ELMO1: variants seen among roughly 807,000 people sequenced by gnomAD.
The protein encoded by ELMO1 is engulfment and cell motility protein 1.
In ELMO1, 26 loss-of-function variants were observed where a neutral mutation model predicts 98.9. The ratio of observed to expected loss-of-function variants is 0.26; its 90% CI spans 0.19 to 0.36. The LOEUF is 0.36. Among genes scored for constraint, ELMO1 ranks in the 10% least tolerant of loss-of-function variants. The pLI is 1.00. For missense variants in ELMO1, 627 were observed against 935.2 expected, an observed-to-expected ratio of 0.67 and a Z score of 4.30; for synonymous variants, 346 against 346.0, an observed-to-expected ratio of 1.00 and a Z score of 0.00.
chr7:37,386,123 G>T (rs917879867), intron 1 of ELMO1, among the ~76,000 whole-genome samples: 1 of 152,216 alleles, frequency 6.6e-6, no homozygotes, highest in African/African-American at 2.4e-5. Flanking sequence ...TTCATGCCCA[G>T]CCCTGGAGCT....
chr7:37,154,100 GA>G (rs1788559450), intron 13 of ELMO1, among the ~76,000 whole-genome samples: 1 of 152,168 alleles, frequency 6.6e-6, no homozygotes, highest in South Asian at 2.1e-4. Flanking sequence ...CTAACAAACA[GA>G]AAGGAATAGC....
chr7:36,980,880 A>G (rs527949450), intron 16 of ELMO1, among the ~76,000 whole-genome samples: 1 of 152,198 alleles, frequency 6.6e-6, no homozygotes, highest in Non-Finnish European at 1.5e-5. Context: ...GGTTTAATCT[A>G]TTTGTTCCAC....
intron 1 of ELMO1, among the ~76,000 whole-genome samples, chr7:37,355,094 C>T (rs968514945): frequency 6.6e-6 from 1 of 152,182 alleles, no homozygotes; most frequent in African/African-American, 2.4e-5. Flanking sequence ...CTCTTTCTCC[C>T]GGCCTGACGT....
chr7:37,158,368 G>A (rs1788945788), intron 13 of ELMO1, among the ~76,000 whole-genome samples: 1 of 152,118 alleles, frequency 6.6e-6, no homozygotes, highest in African/African-American at 2.4e-5. Flanking sequence ...GAGTGAACAG[G>A]CAATCTACAG....
At chr7:37,233,461 G>A (rs1175674687) in intron 7 of ELMO1, among the ~76,000 whole-genome samples, 1 of 152,154 alleles carries the variant, frequency 6.6e-6, no homozygotes, top group African/African-American at 2.4e-5. Flanking sequence ...GTTCTGGTGA[G>A]CTGTGTTGTT....
intron 16 of ELMO1, among the ~76,000 whole-genome samples, chr7:36,989,262 T>TAAC (rs760168483): frequency 1.3e-5 from 2 of 152,118 alleles, no homozygotes; most frequent in South Asian, 2.1e-4. Flanking sequence ...TTGACTGAAA[T>TAAC]AACAACAACA....
chr7:37,305,514 A>C (rs1015443994), intron 4 of ELMO1, among the ~76,000 whole-genome samples: 2 of 152,054 alleles, frequency 1.3e-5, no homozygotes. Flanking sequence ...GTTGTTGCAG[A>C]CTGAAAGCCA....
intron 13 of ELMO1, among the ~76,000 whole-genome samples, chr7:37,140,677 C>A (rs1020829260): frequency 7.5e-4 from 114 of 152,146 alleles, no homozygotes; most frequent in African/African-American, 2.6e-3. Context: ...AGAACTCAAA[C>A]AAATCAGTAA....
chr7:37,215,991 CCTTT>C (rs994824556), intron 11 of ELMO1, among the ~76,000 whole-genome samples: 2 of 136,598 alleles, frequency 1.5e-5, no homozygotes, highest in Admixed American at 6.9e-5. Flanking sequence ...TTCCTCTTTT[CCTTT>C]TTTTTTTTTT....
chr7:37,266,634 C>T lies in ELMO1; in HGVS notation c.243+5198G>A, dbSNP rs560733323. 2.6e-4 allele frequency among the ~76,000 whole-genome samples: 40 copies of T among 152,140 alleles called. 1 individual carries two copies. The highest frequency in any genetic ancestry group is 2.4e-3 in the Admixed American group (36 of 15,272). On this transcript the variant is annotated intron_variant, in intron 5 of 21. Coordinates refer to ENST00000310758, the MANE Select transcript of ELMO1 (RefSeq NM_014800.11). ...TTTTAGCATAGGGCATTATGATTCA[C>T]CTCTTTTGTACTATAATGGCTTTGT...
intron 19 of ELMO1, among the ~76,000 whole-genome samples, chr7:36,874,608 C>T (rs922790476): frequency 6.6e-6 from 1 of 152,174 alleles, no homozygotes; most frequent in South Asian, 2.1e-4. Flanking sequence ...CTCCCTGTGT[C>T]GCCGCTCTTC....
rs558892020 is a variant in ELMO1 at position 36,986,899 on chromosome 7, T to C, written c.1437+26400A>G. Among the ~76,000 whole-genome samples, 3 of 152,250 alleles carry C rather than the reference T, an allele frequency of 2.0e-5. No individual in the cohort carries two copies. The East Asian group carries it at 5.8e-4, about 29-fold the overall frequency. On this transcript the variant is annotated intron_variant, in intron 16 of 21. Transcript: ENST00000310758. ...AGGATGTAAACAAACATAAACAGCC[T>C]CTACCCCTAATTAAAATTACTGCAA...
At chr7:37,284,537 C>A (rs1444879283) in intron 4 of ELMO1, among the ~76,000 whole-genome samples, 1 of 152,096 alleles carries the variant, frequency 6.6e-6, no homozygotes, top group Non-Finnish European at 1.5e-5. Flanking sequence ...CATCTCCCAG[C>A]CTCAGAGTTA....
chr7:37,069,109 C>T (rs537522739), intron 15 of ELMO1, among the ~76,000 whole-genome samples: 39 of 152,200 alleles, frequency 2.6e-4, no homozygotes, highest in Non-Finnish European at 4.3e-4. Flanking sequence ...CCCTGGGAGC[C>T]TCCCAGTGGT....
At chr7:37,436,617 T>G (rs1805154422) in intron 1 of ELMO1, among the ~76,000 whole-genome samples, 2 of 152,268 alleles carry the variant, frequency 1.3e-5, no homozygotes, top group Non-Finnish European at 2.9e-5. Flanking sequence ...ACTAAGTGAC[T>G]GTTTAATGGG....
chr7:37,315,039 A>G lies in ELMO1; in HGVS notation c.120-117T>C, dbSNP rs896670605. 14 of 814,590 alleles carry G rather than the reference A, an allele frequency of 1.7e-5. No individual in the cohort carries two copies. In the Middle Eastern group the frequency reaches 1.0e-3, roughly 61 times the overall value. 50.5% of individuals were successfully genotyped at this position (814,590 alleles called of 1,614,324 possible). On this transcript the variant is annotated intron_variant, in intron 3 of 21. Transcript: ENST00000310758. ...TGATTGGAATTGGACCAATCCCAAC[A>G]TATACCACAATGCAGTTCCTAAAGC...
At chr7:37,020,809 A>G (rs926753013) in intron 15 of ELMO1, among the ~76,000 whole-genome samples, 1 of 152,164 alleles carries the variant, frequency 6.6e-6, no homozygotes, top group African/African-American at 2.4e-5. Flanking sequence ...GGCCTAACAC[A>G]ATGGATGTTT....
intron 15 of ELMO1, among the ~76,000 whole-genome samples, chr7:37,086,765 A>AAAG (rs1491293564): frequency 7.8e-4 from 111 of 142,550 alleles, no homozygotes; most frequent in Non-Finnish European, 9.3e-4. Flanking sequence ...AAAAAAAAAA[A>AAAG]GAAATCTTTG....
At chr7:36,895,366 C>G (rs73689680) in intron 16 of ELMO1, among the ~76,000 whole-genome samples, 32 of 152,264 alleles carry the variant, frequency 2.1e-4, no homozygotes, top group African/African-American at 7.2e-4. Context: ...GAAGGCCAAG[C>G]AGCAGCTAAA....
Sources: allele counts gnomAD v4.1 joint callset (sites outside exome capture counted in the v4.1 genomes callset), GRCh38; gene constraint gnomAD v4.1.1; transcripts MANE v1.5; gene names NCBI Gene and HGNC (gene_info 2026-07-23, HGNC 2026-07-21).